EYS: variants seen among roughly 807,000 people sequenced by gnomAD.
EYS encodes the protein protein eyes shut homolog.
EYS carries 250 observed loss-of-function variants against 282.1 expected under a neutral mutation model. The ratio of observed to expected loss-of-function variants is 0.89; its 90% confidence interval spans 0.80 to 0.98. The LOEUF is 0.98. EYS is among the 50% of genes least tolerant of loss of function. The pLI is 0.00. For synonymous variants in EYS, 1,355 were observed against 1,282.9 expected, an observed-to-expected ratio of 1.06 and a Z score of -1.20; for missense variants, 4,016 against 3,709.0, an observed-to-expected ratio of 1.08 and a Z score of -2.15.
At chr6:65,606,779 A>C (rs780323526) in intron 2 of EYS, among the ~76,000 whole-genome samples, 60 of 151,856 alleles carry the variant, frequency 4.0e-4, no homozygotes, top group African/African-American at 1.4e-3. Context: ...TGAATTAAAC[A>C]ATCTTAAAGC....
chr6:65,357,604 T>C (rs1020570235), intron 8 of EYS, among the ~76,000 whole-genome samples: 3 of 152,028 alleles, frequency 2.0e-5, no homozygotes, highest in African/African-American at 4.8e-5. Flanking sequence ...TAAGGAACAA[T>C]TGTTATATGG....
intron 8 of EYS, among the ~76,000 whole-genome samples, chr6:65,358,218 C>T (rs1764567523): frequency 6.6e-6 from 1 of 151,850 alleles, no homozygotes; most frequent in South Asian, 2.1e-4. Flanking sequence ...TACTATTTCC[C>T]ATTTAATTCA....
At chr6:65,191,580 G>C (rs1278583804) in intron 12 of EYS, among the ~76,000 whole-genome samples, 7 of 151,790 alleles carry the variant, frequency 4.6e-5, no homozygotes, top group Admixed American at 2.0e-4. Flanking sequence ...ATTTACATGA[G>C]ATGAAAAGCA....
chr6:63,822,961 A>T (rs1369745516), intron 36 of EYS, among the ~76,000 whole-genome samples: 1 of 152,164 alleles, frequency 6.6e-6, no homozygotes, highest in Non-Finnish European at 1.5e-5. Flanking sequence ...CAATAAAACA[A>T]TTATGTCTGT....
At chr6:64,440,560 T>G (rs1229046594) in intron 26 of EYS, among the ~76,000 whole-genome samples, 1 of 152,130 alleles carries the variant, frequency 6.6e-6, no homozygotes, top group African/African-American at 2.4e-5. Flanking sequence ...CTTTCAATTT[T>G]GACATTCTAA....
intron 24 of EYS, among the ~76,000 whole-genome samples, chr6:64,600,769 T>C (rs1221348968): frequency 6.6e-6 from 1 of 152,140 alleles, no homozygotes; most frequent in African/African-American, 2.4e-5. Flanking sequence ...TAAACATTTA[T>C]TGGAAAAAAC....
chr6:65,090,078 C>T (rs956119514), intron 12 of EYS, among the ~76,000 whole-genome samples: 3 of 151,402 alleles, frequency 2.0e-5, no homozygotes, highest in African/African-American at 7.3e-5. Context: ...AATATGAGGA[C>T]ATGATATTTG....
intron 22 of EYS, among the ~76,000 whole-genome samples, chr6:64,705,456 T>C (rs1467486015): frequency 6.6e-6 from 1 of 151,960 alleles, no homozygotes; most frequent in African/African-American, 2.4e-5. Flanking sequence ...CCATCATTCT[T>C]TACAGAACTA....
chr6:64,277,759 G>A (rs1226328264), intron 30 of EYS, among the ~76,000 whole-genome samples: 1 of 152,112 alleles, frequency 6.6e-6, no homozygotes. Flanking sequence ...TAATCAAGGA[G>A]GATGGAGAAA....
At chr6:65,162,013 C>G (rs1764861859) in intron 12 of EYS, among the ~76,000 whole-genome samples, 1 of 151,210 alleles carries the variant, frequency 6.6e-6, no homozygotes. Flanking sequence ...TAAGGTCTTA[C>G]TTATGGTTAA....
chr6:65,397,354 C>A (rs1766317695), intron 7 of EYS, among the ~76,000 whole-genome samples: 2 of 152,024 alleles, frequency 1.3e-5, no homozygotes, highest in African/African-American at 4.8e-5. Flanking sequence ...GTTCATATTT[C>A]ATTCTTACAC....
At chr6:64,358,809 A>C (rs1449277237) in intron 29 of EYS, among the ~76,000 whole-genome samples, 1 of 151,722 alleles carries the variant, frequency 6.6e-6, no homozygotes, top group East Asian at 1.9e-4. Flanking sequence ...CAGTAATAGG[A>C]TAGACAGCAG....
At chr6:65,616,834 AAAAT>A (rs925784292) in intron 2 of EYS, among the ~76,000 whole-genome samples, 1 of 152,176 alleles carries the variant, frequency 6.6e-6, no homozygotes, top group African/African-American at 2.4e-5. Flanking sequence ...AAACGAAGAA[AAAAT>A]AAATACGTAT....
chr6:64,596,860 GA>G (rs1478940724), intron 24 of EYS, among the ~76,000 whole-genome samples: 1 of 152,062 alleles, frequency 6.6e-6, no homozygotes, highest in African/African-American at 2.4e-5. Flanking sequence ...TAGACAAATG[GA>G]ATTGAGTTAA....
rs192067533 is a variant in EYS at position 64,472,606 on chromosome 6, A to G, written c.5645-33254T>C. ...AATTTAATGAGGAATTTGAGAAACC[A>G]TGTAAATATTTCACATATAAAATTT... On this transcript the variant is annotated intron_variant, in intron 26 of 42. Coordinates refer to ENST00000503581, the MANE Select transcript of EYS (RefSeq NM_001142800.2). Among the ~76,000 whole-genome samples the G allele has an allele frequency of 7.1e-3, 1,079 of 152,310 alleles. 9 individuals are homozygous for G. Among genetic ancestry groups the G allele is most frequent in the Non-Finnish European group, 0.011 (778 of 68,004 alleles).
intron 19 of EYS, among the ~76,000 whole-genome samples, chr6:64,829,332 A>C (rs1221252220): frequency 3.9e-5 from 6 of 152,012 alleles, no homozygotes; most frequent in Admixed American, 3.9e-4. Flanking sequence ...AGGCCTGTGC[A>C]TGGACCCAAT....
intron 2 of EYS, among the ~76,000 whole-genome samples, chr6:65,584,152 A>G (rs1764960882): frequency 6.6e-6 from 1 of 152,104 alleles, no homozygotes; most frequent in Non-Finnish European, 1.5e-5. Flanking sequence ...TAATTTAATA[A>G]CTCATGGACT....
rs117176350 is a variant in EYS at position 65,561,528 on chromosome 6, C to G, written c.-332-65535G>C. On this transcript the variant is annotated intron_variant, in intron 2 of 42. Transcript: ENST00000503581. The stretch of plus-strand genomic sequence containing the variant: ...TGTTCACTCCCAGGTGTATCACATT[C>G]GTGTGTCTCATTTTGCTTTTCCAAT... 6.3e-4 allele frequency among the ~76,000 whole-genome samples: 96 copies of G among 152,118 alleles called. 3 individuals carry two copies. The East Asian group carries it at 0.017, about 27-fold the overall frequency.
chr6:64,814,579 G>A (rs1305994398), intron 21 of EYS, among the ~76,000 whole-genome samples: 1 of 151,730 alleles, frequency 6.6e-6, no homozygotes, highest in Non-Finnish European at 1.5e-5. Flanking sequence ...TACAGTTTAG[G>A]GTTTATATAT....
Sources: allele counts gnomAD v4.1 joint callset (sites outside exome capture counted in the v4.1 genomes callset), GRCh38; gene constraint gnomAD v4.1.1; transcripts MANE v1.5; gene names NCBI Gene and HGNC (gene_info 2026-07-23, HGNC 2026-07-21).